CCDC81: variants seen among roughly 807,000 people sequenced by gnomAD.
CCDC81 encodes coiled-coil domain-containing protein 81.
A neutral mutation model predicts 83.7 loss-of-function variants in CCDC81; 79 were observed. That is an observed-to-expected ratio of 0.94 (90% CI 0.79 to 1.14). CCDC81 has a LOEUF of 1.14. Ranked by LOEUF, CCDC81 falls within the 50% of genes most tolerant of loss-of-function variation. The probability of loss-of-function intolerance (pLI) is 0.00; values close to 1 mark genes in which losing one functional copy is unlikely to be tolerated. For missense variants in CCDC81, 791 were observed against 778.1 expected, an observed-to-expected ratio of 1.02 and a Z score of -0.20; for synonymous variants, 252 against 278.1, an observed-to-expected ratio of 0.91 and a Z score of 0.93.
chr11:86,378,210 A>T (rs1286769907), intron 1 of CCDC81, among the ~76,000 whole-genome samples: 2 of 152,070 alleles, frequency 1.3e-5, no homozygotes, highest in Non-Finnish European at 2.9e-5. Flanking sequence ...GGGTAGTGAC[A>T]GTCCTCTGAC....
At chr11:86,393,550 G>A (rs1025912626) in intron 4 of CCDC81, among the ~76,000 whole-genome samples, 2 of 152,044 alleles carry the variant, frequency 1.3e-5, no homozygotes, top group Non-Finnish European at 2.9e-5. Context: ...GTTTTTGCTG[G>A]TTCTACTATT....
intron 2 of CCDC81, 125 bp downstream of exon 2, chr11:86,386,237 G>A (rs923910595): frequency 1.9e-4 from 52 of 275,190 alleles, no homozygotes; most frequent in Non-Finnish European, 3.3e-4. Flanking sequence ...AGACTTTAGA[G>A]CCATCCTGTT....
intron 7 of CCDC81, among the ~76,000 whole-genome samples, chr11:86,401,815 T>G (rs1374169715): frequency 6.6e-6 from 1 of 152,098 alleles, no homozygotes; most frequent in Non-Finnish European, 1.5e-5. Flanking sequence ...AGAAGTTGAC[T>G]CAAAAATGTT....
Position 86,392,614 on chromosome 11 carries a change from AGGATGTGT to A in CCDC81, c.374_381del (p.Gly125GlufsTer40). 1 of 1,551,692 alleles carries A rather than the reference AGGATGTGT, an allele frequency of 6.4e-7. No individual in the cohort carries two copies. Among genetic ancestry groups the A allele is most frequent in the Non-Finnish European group, 8.7e-7 (1 of 1,146,972 alleles). On this transcript the variant is annotated frameshift_variant, in exon 4 of 15. Coordinates refer to ENST00000445632, the MANE Select transcript of CCDC81 (RefSeq NM_001156474.2). LOFTEE classifies it high-confidence loss of function. ...GTCCATTTAACAGAGATGTAGTGGAAGGATGTGTGAAGGAGACGTTGCTTTTTTTATCG... is the reference window on the plus strand; with the variant it reads ...GTCCATTTAACAGAGATGTAGTGGAAGAAGGAGACGTTGCTTTTTTTATCG...
intron 4 of CCDC81, 127 bp downstream of exon 4, chr11:86,392,924 A>G: frequency 9.7e-7 from 1 of 1,033,718 alleles, no homozygotes; most frequent in Non-Finnish European, 1.4e-6. Flanking sequence ...AAGTACATGG[A>G]AGTGCTTGTT....
intron 5 of CCDC81, among the ~76,000 whole-genome samples, chr11:86,395,910 ACCAGG>A (rs898373133): frequency 6.6e-6 from 1 of 152,182 alleles, no homozygotes; most frequent in Non-Finnish European, 1.5e-5. Flanking sequence ...GGCGTGAGCC[ACCAGG>A]CCTGGCCCAT....
At chr11:86,387,007 G>C (rs942656362) in intron 2 of CCDC81, among the ~76,000 whole-genome samples, 2 of 152,152 alleles carry the variant, frequency 1.3e-5, no homozygotes, top group African/African-American at 2.4e-5. Flanking sequence ...CAGGGAGACA[G>C]AAACCCAGTA....
Position 86,390,299 on chromosome 11 carries a change from A to G in CCDC81, c.299-2242A>G, listed in dbSNP as rs193108819. 2.2e-3 allele frequency among the ~76,000 whole-genome samples: 336 copies of G among 152,290 alleles called. 1 individual carries two copies. Among genetic ancestry groups the G allele is most frequent in the Non-Finnish European group, 4.2e-3 (289 of 68,024 alleles). ...ATCTGTTGGAAGATATTTCAGGAAC[A>G]ATATGAACAAGTCAAGAACATGGAA... is the stretch of plus-strand genomic sequence containing the variant. On this transcript the variant is annotated intron_variant, in intron 3 of 14. Coordinates refer to ENST00000445632, the MANE Select transcript of CCDC81 (RefSeq NM_001156474.2).
In CCDC81 at chr11:86,397,658, G is replaced by A. The variant is rs141192413; in HGVS notation, c.673G>A (p.Glu225Lys). ...LKEMENKLPM[E>K]TLVEECGENR... ...GGAGATGGAAAACAAACTGCCTATG[G>A]AGACCCTTGTAGAAGAATGTGGAGA... Residue 225 changes from glutamate to lysine, a missense_variant, in exon 6 of 15, where the codon GAG (glutamate) becomes AAG (lysine). By Grantham distance (56) the Glu-to-Lys change is moderately conservative (BLOSUM62 1). Coordinates refer to ENST00000445632, the MANE Select transcript of CCDC81 (RefSeq NM_001156474.2). 12 of 1,613,556 alleles carry A rather than the reference G, an allele frequency of 7.4e-6. No homozygotes were observed. The highest frequency in any genetic ancestry group is 2.7e-5 in the African/African-American group (2 of 74,870).
chr11:86,388,702 A>AT (rs922121488), intron 3 of CCDC81, among the ~76,000 whole-genome samples: 15 of 151,896 alleles, frequency 9.9e-5, no homozygotes, highest in African/African-American at 2.4e-4. Context: ...TTTACCTAGA[A>AT]TTTTTTTTTC....
intron 4 of CCDC81, among the ~76,000 whole-genome samples, chr11:86,394,143 A>G (rs1401210505): frequency 6.6e-6 from 1 of 152,260 alleles, no homozygotes; most frequent in African/African-American, 2.4e-5. Context: ...TTGCAAGTCC[A>G]TAAGCAAGGC....
intron 9 of CCDC81, 32 bp downstream of exon 9, chr11:86,408,302 G>A (rs1419773365): frequency 1.3e-6 from 2 of 1,574,022 alleles, no homozygotes; most frequent in Non-Finnish European, 1.7e-6. Flanking sequence ...TCTTTAATAT[G>A]GGGCAATAGA....
At chr11:86,412,594 T>G (rs1432562001) in intron 11 of CCDC81, 35 bp downstream of exon 11, 1 of 1,541,744 alleles carries the variant, frequency 6.5e-7, no homozygotes, top group African/African-American at 1.4e-5. Flanking sequence ...ACAAATGGAT[T>G]TGGAATTTTC....
chr11:86,377,461 T>A (rs1948113070), intron 1 of CCDC81, among the ~76,000 whole-genome samples: 1 of 152,162 alleles, frequency 6.6e-6, no homozygotes, highest in African/African-American at 2.4e-5. Context: ...ATTGTCAGCA[T>A]TTGTTGTTGT....
At chr11:86,405,954 G>C (rs1948560369) in intron 7 of CCDC81, among the ~76,000 whole-genome samples, 1 of 151,918 alleles carries the variant, frequency 6.6e-6, no homozygotes. Context: ...GCGGAGACAG[G>C]GTTTCACCAT....
intron 1 of CCDC81, among the ~76,000 whole-genome samples, chr11:86,377,404 G>C (rs148534806): frequency 9.8e-4 from 150 of 152,292 alleles, no homozygotes; most frequent in African/African-American, 3.5e-3. Flanking sequence ...GCTGTACTAT[G>C]TTGCATTCCC....
At chr11:86,411,996 A>AT (rs1402593181) in intron 10 of CCDC81, among the ~76,000 whole-genome samples, 2 of 152,156 alleles carry the variant, frequency 1.3e-5, no homozygotes, top group Non-Finnish European at 2.9e-5. Flanking sequence ...TGGTTTTCCC[A>AT]TACATAGTTT....
intron 13 of CCDC81, 64 bp downstream of exon 13, chr11:86,415,377 C>G: frequency 3.1e-6 from 4 of 1,297,468 alleles, no homozygotes; most frequent in Non-Finnish European, 4.4e-6. Context: ...CTTTATCTCT[C>G]TTTTTCCACC....
chr11:86,420,039 C>G lies in CCDC81; in HGVS notation c.1803C>G (p.Asp601Glu). Residue 601 changes from aspartate (D) to glutamate (E), a missense_variant, in exon 14 of 15, where the codon GAC becomes GAG. Asp to Glu is a conservative substitution (Grantham distance 45). Coordinates refer to ENST00000445632, the MANE Select transcript of CCDC81 (RefSeq NM_001156474.2). Reference protein sequence around the residue: ...AAMKKQRDLEDKAFERASDKL... With the variant: ...AAMKKQRDLEEKAFERASDKL... ...TGAAGAAGCAGCGAGACCTGGAGGA[C>G]AAGGCTTTTGAACGGTAATGCCTGA... The G allele has an allele frequency of 6.2e-7, 1 of 1,613,224 alleles. No individual in the cohort carries two copies. The highest frequency in any genetic ancestry group is 1.3e-5 in the African/African-American group (1 of 74,964).
Sources: gnomAD v4.1 joint callset for allele counts (sites outside exome capture counted in the v4.1 genomes callset) on GRCh38, gnomAD v4.1.1 for gene constraint, MANE v1.5 for transcripts, NCBI Gene and HGNC (gene_info 2026-07-23, HGNC 2026-07-21) for gene names.